Variants in ZNF700 observed in about 807,000 individuals in gnomAD.
ZNF700 encodes zinc finger protein 700.
ZNF700 carries 38 observed loss-of-function variants against 65.3 expected under a neutral mutation model. The observed-to-expected ratio is 0.58, with a 90% CI of 0.45 to 0.76. ZNF700 has a LOEUF of 0.76. ZNF700 is among the 30% of genes least tolerant of loss of function. The pLI, the probability that ZNF700 is intolerant of heterozygous loss-of-function variation, is 0.00. For synonymous variants in ZNF700, 285 were observed against 290.4 expected, an observed-to-expected ratio of 0.98 and a Z score of 0.19; for missense variants, 857 against 888.4, an observed-to-expected ratio of 0.96 and a Z score of 0.45.
chr19:11,949,103 G>C lies in ZNF700; in HGVS notation c.1079G>C (p.Arg360Thr), dbSNP rs1190034863. The change falls in exon 4 of 4, where the codon AGA becomes ACA. Residue 360 changes from arginine to threonine, a missense_variant. By Grantham distance (71) the Arg-to-Thr change is moderately conservative. Transcript: ENST00000254321. ...QTHIRMNSGE[R>T]PYKCKICGKG... ...CACATAAGAATGAACTCTGGAGAAAGACCTTATAAATGTAAGATATGTGGG... is the reference window on the plus strand; with the variant it reads ...CACATAAGAATGAACTCTGGAGAAACACCTTATAAATGTAAGATATGTGGG... The C allele has an allele frequency of 5.6e-6, 9 of 1,612,124 alleles. No individual in the cohort carries two copies. The African/African-American group carries it at 6.7e-5, about 12-fold the overall frequency.
At chr19:11,934,162 A>G (rs1972755357) in intron 1 of ZNF700, among the ~76,000 whole-genome samples, 1 of 147,806 alleles carries the variant, frequency 6.8e-6, no homozygotes, top group South Asian at 2.1e-4. Flanking sequence ...TGGTAGATAC[A>G]GTGTGAGACC....
intron 1 of ZNF700, chr19:11,939,962 T>C (rs1234929604): frequency 6.6e-6 from 1 of 152,068 alleles, no homozygotes; most frequent in Non-Finnish European, 1.5e-5. Flanking sequence ...CTTTTTTTTT[T>C]TTTTGAGACA....
rs200878052 is a variant in ZNF700 at position 11,948,430 on chromosome 19, A to G, written c.406A>G (p.Ile136Val). Residue 136 changes from isoleucine to valine, a missense_variant, in exon 4 of 4, where the codon ATA (isoleucine) becomes GTA (valine). Physicochemically the swap from Ile to Val is conservative, Grantham distance 29 (BLOSUM62 3). Transcript: ENST00000254321. Reference protein sequence around the residue: ...CDSFVCAEVGIGNSSFNMSIR... With the variant: ...CDSFVCAEVGVGNSSFNMSIR... ...CAGCTTTGTGTGTGCAGAAGTTGGC[A>G]TAGGTAACTCATCTTTTAATATGAG... The G allele has an allele frequency of 9.9e-5, 160 of 1,614,078 alleles. No homozygotes were observed. The Admixed American group carries it at 2.6e-3, about 26-fold the overall frequency.
Position 11,950,163 on chromosome 19 carries a change from C to G in ZNF700, c.2139C>G (p.Phe713Leu). The change falls in exon 4 of 4, where the codon TTC becomes TTG. Residue 713 changes from phenylalanine to leucine, a missense_variant. This residue lies in a region of ZNF700 where 251 missense variants were observed against 250.3 expected (regional missense o/e 1.00). Transcript: ENST00000254321. ...HYECKECGKAFNYFSSLHIHA... is the reference protein window; with the variant it reads ...HYECKECGKALNYFSSLHIHA... ...AATGTAAGGAATGCGGAAAAGCATT[C>G]AATTATTTTTCTTCCTTGCATATAC... 1 of 1,613,840 alleles carries G rather than the reference C, an allele frequency of 6.2e-7. No individual in the cohort carries two copies. Among genetic ancestry groups the G allele is most frequent in the South Asian group, 1.1e-5 (1 of 91,036 alleles).
In ZNF700 at chr19:11,950,370, C is replaced by A; in HGVS notation, c.*117C>A. 9.5e-7 allele frequency: 1 copy of A among 1,049,724 alleles called. No individual in the cohort carries two copies. The highest frequency in any genetic ancestry group is 1.4e-6 in the Non-Finnish European group (1 of 693,464). 65.0% of individuals were successfully genotyped at this position (1,049,724 alleles called of 1,614,324 possible). A position where few individuals can be genotyped will look rare whatever the true frequency, so the allele number is the denominator to read the frequency against. On this transcript the variant is annotated 3_prime_UTR_variant, in exon 4 of 4. Coordinates refer to ENST00000254321, the MANE Select transcript of ZNF700 (RefSeq NM_144566.3). ...CTTTTCGATATCATGAAAGGACTCA[C>A]ACTGGGGAGAAACCCTATCAATGTA...
rs551128936 is a variant in ZNF700, at chr19:11,940,675, G to A, written c.64-6506G>A. 6.0e-4 allele frequency among the ~76,000 whole-genome samples: 91 copies of A among 152,226 alleles called. 1 individual carries two copies. The highest frequency in any genetic ancestry group is 6.5e-4 in the African/African-American group (27 of 41,542). ...GCTTCCACAGTGTGGAAGGGGACCC[G>A]AGTGGGTTGCCACTGCTGGCTCAGG... is the stretch of plus-strand genomic sequence containing the variant. On this transcript the variant is annotated intron_variant, in intron 1 of 3. Transcript: ENST00000254321.
chr19:11,925,347 G>C (rs1016719291), intron 1 of ZNF700, 74 bp downstream of exon 1: 2 of 1,588,952 alleles, frequency 1.3e-6, no homozygotes, highest in Admixed American at 3.4e-5. Flanking sequence ...GCTGTGGCGG[G>C]ACCCGGGCCT....
At chr19:11,929,774 C>T (rs554384954) in intron 1 of ZNF700, among the ~76,000 whole-genome samples, 5 of 147,964 alleles carry the variant, frequency 3.4e-5, no homozygotes, top group African/African-American at 1.3e-4. Context: ...CCTAACTCTT[C>T]AAGGGCTTGC....
At chr19:11,940,843 A>T (rs1972870552) in intron 1 of ZNF700, among the ~76,000 whole-genome samples, 1 of 151,768 alleles carries the variant, frequency 6.6e-6, no homozygotes, top group Admixed American at 6.6e-5. Context: ...CCCCCAGATT[A>T]GCTAGATACA....
chr19:11,934,241 T>G (rs1219630999), intron 1 of ZNF700, among the ~76,000 whole-genome samples: 1 of 148,076 alleles, frequency 6.8e-6, no homozygotes, highest in Non-Finnish European at 1.5e-5. Flanking sequence ...TGAGTAAGGC[T>G]GCTAAAAACG....
At chr19:11,935,084 G>C (rs1359313100) in intron 1 of ZNF700, among the ~76,000 whole-genome samples, 2 of 143,306 alleles carry the variant, frequency 1.4e-5, no homozygotes, top group Non-Finnish European at 1.5e-5. Context: ...GCTGAGGCAG[G>C]AGAATGGCAT....
rs1001866145 is a variant in ZNF700 at position 11,941,687 on chromosome 19, T to G, written c.64-5494T>G. Among the ~76,000 whole-genome samples the G allele has an allele frequency of 5.3e-5, 8 of 151,864 alleles. No homozygotes were observed. In the East Asian group the frequency reaches 1.6e-3, roughly 30 times the overall value. On this transcript the variant is annotated intron_variant, in intron 1 of 3. Transcript: ENST00000254321. ...CCGCTCGCGCCTCTCCCTCCACCCC[T>G]CCCTGCAAGCTGAGGGAGCCGGCTC...
intron 1 of ZNF700, among the ~76,000 whole-genome samples, chr19:11,927,865 A>T (rs1159596895): frequency 6.6e-6 from 1 of 152,208 alleles, no homozygotes; most frequent in African/African-American, 2.4e-5. Context: ...TGTTAGTGTC[A>T]AGATGGAGCT....
At chr19:11,932,365 A>G (rs1269571092) in intron 1 of ZNF700, among the ~76,000 whole-genome samples, 2 of 148,056 alleles carry the variant, frequency 1.4e-5, no homozygotes, top group Non-Finnish European at 2.9e-5. Context: ...AAAGACACAA[A>G]AAAATTAGTT....
chr19:11,947,691 G>C, intron 3 of ZNF700, 117 bp downstream of exon 3: 1 of 1,060,310 alleles, frequency 9.4e-7, no homozygotes, highest in Non-Finnish European at 1.4e-6. Context: ...TTTCTTCTTA[G>C]AATATTTTCT....
chr19:11,948,084 G>A (rs761406491), intron 3 of ZNF700, among the ~76,000 whole-genome samples, 192 bp from the exon 4 acceptor site: 7 of 152,184 alleles, frequency 4.6e-5, no homozygotes, highest in Admixed American at 6.5e-5. Context: ...AGCCCCTTAT[G>A]AATATTTTTT....
intron 1 of ZNF700, among the ~76,000 whole-genome samples, chr19:11,929,616 TTAGG>T: frequency 6.7e-6 from 1 of 148,310 alleles, no homozygotes; most frequent in East Asian, 1.9e-4. Flanking sequence ...TTCAGGGTCC[TTAGG>T]TAGGACCTTA....
At chr19:11,946,493 C>G (rs559726085) in intron 1 of ZNF700, among the ~76,000 whole-genome samples, 3 of 152,336 alleles carry the variant, frequency 2.0e-5, no homozygotes, top group East Asian at 3.9e-4. Context: ...GCCACTAACA[C>G]TGCTGCTGCC....
intron 3 of ZNF700, 147 bp downstream of exon 3, chr19:11,947,721 C>T (rs4804175): frequency 0.46 from 381,019 of 833,652 alleles, 92,953 homozygotes; most frequent in East Asian, 0.6. Flanking sequence ...TATATTTAAA[C>T]GTGACTGAGG....
Sources: gnomAD v4.1 joint callset for allele counts (sites outside exome capture counted in the v4.1 genomes callset) on GRCh38, gnomAD v4.1.1 for gene constraint, gnomAD v4.1.1 regional missense constraint, MANE v1.5 for transcripts, NCBI Gene and HGNC (gene_info 2026-07-23, HGNC 2026-07-21) for gene names.